FBXL17: variants seen among roughly 807,000 people sequenced by gnomAD.
The protein encoded by FBXL17 is F-box and leucine rich repeat protein 17, also known as F-box/LRR-repeat protein 17.
In FBXL17, 22 loss-of-function variants were observed where a neutral mutation model predicts 66.2. That is an observed-to-expected ratio of 0.33 (90% CI 0.24 to 0.47). The LOEUF is 0.47. Among genes scored for constraint, FBXL17 ranks in the 20% least tolerant of loss-of-function variants. The pLI is 1.00. For missense variants in FBXL17, 878 were observed against 948.2 expected (o/e 0.93, Z 0.97); for synonymous variants, 474 against 400.5 (o/e 1.18, Z -2.19).
In FBXL17 at chr5:108,348,526, C is replaced by G. The variant is rs1380542006; in HGVS notation, c.1379G>C (p.Gly460Ala). The part of the protein sequence containing the change: ...KLTDEGLKQL[G>A]SKCRELKDIH... ...ATCTTTGAGTTCTCTGCATTTTGAG[C>G]CCAGCTGTAAACAAACAGATTTAGC... The change falls in exon 4 of 9, where the codon GGC becomes GCC. Residue 460 changes from glycine to alanine, a missense_variant. Gly to Ala is a moderately conservative substitution (Grantham distance 60). Transcript: ENST00000542267. 3 of 1,611,370 alleles carry G rather than the reference C, an allele frequency of 1.9e-6. No homozygotes were observed. Among genetic ancestry groups the G allele is most frequent in the Admixed American group, 1.7e-5 (1 of 59,980 alleles).
At chr5:108,269,635 G>A (rs1470953705) in intron 4 of FBXL17, among the ~76,000 whole-genome samples, 1 of 151,934 alleles carries the variant, frequency 6.6e-6, no homozygotes, top group African/African-American at 2.4e-5. Flanking sequence ...TATGGGTACT[G>A]GATCTCCTCC....
chr5:108,207,147 C>T (rs969228909), intron 5 of FBXL17, among the ~76,000 whole-genome samples: 2 of 152,082 alleles, frequency 1.3e-5, no homozygotes, highest in Non-Finnish European at 2.9e-5. Flanking sequence ...GTCTCCCCGA[C>T]CCCCTCAAAA....
chr5:108,275,951 T>C (rs1757466296), intron 4 of FBXL17, among the ~76,000 whole-genome samples: 1 of 152,188 alleles, frequency 6.6e-6, no homozygotes, highest in Non-Finnish European at 1.5e-5. Flanking sequence ...CATATAGATT[T>C]ACCCTTCAAC....
intron 7 of FBXL17, among the ~76,000 whole-genome samples, chr5:107,954,023 C>T (rs922424434): frequency 6.6e-6 from 1 of 152,118 alleles, no homozygotes; most frequent in Non-Finnish European, 1.5e-5. Context: ...TTAGTAGGTA[C>T]TCAATAAATT....
intron 4 of FBXL17, among the ~76,000 whole-genome samples, chr5:108,315,382 G>T (rs1247169918): frequency 6.6e-6 from 1 of 151,254 alleles, no homozygotes; most frequent in Non-Finnish European, 1.5e-5. Flanking sequence ...TAAGCGACAA[G>T]ATGAAAATGT....
At chr5:108,205,023 A>G (rs1388820145) in intron 5 of FBXL17, among the ~76,000 whole-genome samples, 2 of 151,840 alleles carry the variant, frequency 1.3e-5, no homozygotes, top group African/African-American at 4.8e-5. Flanking sequence ...AGATCCCCTC[A>G]TTTCAGCCTT....
At chr5:107,975,110 T>C (rs1309415458) in intron 7 of FBXL17, among the ~76,000 whole-genome samples, 1 of 152,192 alleles carries the variant, frequency 6.6e-6, no homozygotes, top group Non-Finnish European at 1.5e-5. Context: ...ATTCTTAAAA[T>C]ATGTTATTTT....
chr5:108,259,872 C>T (rs1396894433), intron 4 of FBXL17, among the ~76,000 whole-genome samples: 1 of 151,862 alleles, frequency 6.6e-6, no homozygotes, highest in East Asian at 1.9e-4. Context: ...GTTTTTAAAA[C>T]CTAGGCTAAG....
At chr5:108,147,910 A>G (rs1434896737) in intron 6 of FBXL17, among the ~76,000 whole-genome samples, 3 of 149,472 alleles carry the variant, frequency 2.0e-5, no homozygotes, top group Admixed American at 6.7e-5. Flanking sequence ...CAATGAGCTG[A>G]AAAAAAAAAC....
intron 6 of FBXL17, among the ~76,000 whole-genome samples, chr5:108,100,483 A>G (rs1749558533): frequency 6.6e-6 from 1 of 152,174 alleles, no homozygotes; most frequent in African/African-American, 2.4e-5. Context: ...TTATTATGTA[A>G]GTATTTCAAC....
At chr5:107,907,225 A>C (rs1749790693) in intron 7 of FBXL17, among the ~76,000 whole-genome samples, 1 of 152,190 alleles carries the variant, frequency 6.6e-6, no homozygotes, top group South Asian at 2.1e-4. Context: ...GTAACGAATA[A>C]GGAGTAGTCT....
At chr5:108,137,423 TC>T (rs1010984965) in intron 6 of FBXL17, among the ~76,000 whole-genome samples, 2 of 152,004 alleles carry the variant, frequency 1.3e-5, no homozygotes, top group African/African-American at 4.8e-5. Context: ...GCTCCTTATC[TC>T]CCCAACACCC....
At chr5:108,254,031 T>C (rs908519116) in intron 4 of FBXL17, among the ~76,000 whole-genome samples, 2 of 152,140 alleles carry the variant, frequency 1.3e-5, no homozygotes, top group Non-Finnish European at 2.9e-5. Context: ...TATACCTTAA[T>C]AGATGTGCAA....
intron 5 of FBXL17, among the ~76,000 whole-genome samples, chr5:108,220,838 A>C (rs1435418685): frequency 6.6e-6 from 1 of 152,216 alleles, no homozygotes; most frequent in Non-Finnish European, 1.5e-5. Context: ...AGCAAGATAT[A>C]CAGATTTTAT....
At chr5:107,930,259 GGCTGTGTTCATCTTC>G (rs1331717125) in intron 7 of FBXL17, among the ~76,000 whole-genome samples, 1 of 152,056 alleles carries the variant, frequency 6.6e-6, no homozygotes, top group Non-Finnish European at 1.5e-5. Context: ...CTGTTTCTGG[GGCTGTGTTCATCTTC>G]CATCATTTCC....
chr5:108,300,761 A>G (rs968492015), intron 4 of FBXL17, among the ~76,000 whole-genome samples: 1 of 151,684 alleles, frequency 6.6e-6, no homozygotes, highest in Non-Finnish European at 1.5e-5. Context: ...AAAGATATAT[A>G]TTTTTATTAC....
intron 7 of FBXL17, among the ~76,000 whole-genome samples, chr5:107,959,510 C>T (rs1751812981): frequency 6.6e-6 from 1 of 152,040 alleles, no homozygotes; most frequent in African/African-American, 2.4e-5. Flanking sequence ...CAACCTCACG[C>T]CCCCTTATGC....
chr5:108,198,917 T>C (rs1753782577), intron 5 of FBXL17, among the ~76,000 whole-genome samples: 1 of 152,102 alleles, frequency 6.6e-6, no homozygotes, highest in Admixed American at 6.6e-5. Flanking sequence ...ATATGGAATA[T>C]GAAATTATTA....
rs1428900227 is a variant in FBXL17 at position 108,161,525 on chromosome 5, A to G, written c.1745+24592T>C. On this transcript the variant is annotated intron_variant, in intron 6 of 8. Transcript: ENST00000542267. ...AAAAACCCACACAAACTCAACCAGT[A>G]AGTTGATTCTTTTCACAAATTGCTA... Among the ~76,000 whole-genome samples the G allele has an allele frequency of 2.0e-5, 3 of 151,920 alleles. No individual in the cohort carries two copies. In the East Asian group the frequency reaches 5.8e-4, roughly 29 times the overall value.
Sources: allele counts gnomAD v4.1 joint callset (sites outside exome capture counted in the v4.1 genomes callset), GRCh38; gene constraint gnomAD v4.1.1; transcripts MANE v1.5; gene names NCBI Gene and HGNC (gene_info 2026-07-23, HGNC 2026-07-21).